ERCC6L2: variants seen among roughly 807,000 people sequenced by gnomAD.
ERCC6L2 encodes DNA excision repair protein ERCC-6-like 2.
A neutral mutation model predicts 132.0 loss-of-function variants in ERCC6L2; 77 were observed. That is an observed-to-expected ratio of 0.58 (90% CI 0.49 to 0.71). ERCC6L2 has a LOEUF of 0.71. Ranked by LOEUF, ERCC6L2 falls within the 30% of genes least tolerant of loss-of-function variation. The pLI is 0.00. For missense variants in ERCC6L2, 1,542 were observed against 1,837.6 expected (o/e 0.84, Z 2.94); for synonymous variants, 583 against 632.4 (o/e 0.92, Z 1.17).
Position 95,875,957 on chromosome 9 carries a change from G to T in ERCC6L2, c.-82G>T. 1 of 1,481,044 alleles carries T rather than the reference G, an allele frequency of 6.8e-7. No homozygotes were observed. The highest frequency in any genetic ancestry group is 9.2e-7 in the Non-Finnish European group (1 of 1,092,074). 91.7% of individuals were successfully genotyped at this position (1,481,044 alleles called of 1,614,324 possible). A position where few individuals can be genotyped will look rare whatever the true frequency, so the allele number is the denominator to read the frequency against. On this transcript the variant is annotated 5_prime_UTR_variant, in exon 1 of 19. Coordinates refer to ENST00000653738, the MANE Select transcript of ERCC6L2 (RefSeq NM_020207.7). Reference sequence around the variant, plus strand: ...CCGGAAGTGGCGTTGGCCGCCATTGGCCTGCCGGCCAGCCACCTTGCTGTC... The same window carrying T: ...CCGGAAGTGGCGTTGGCCGCCATTGTCCTGCCGGCCAGCCACCTTGCTGTC...
chr9:95,905,046 A>G (rs1459829159), intron 3 of ERCC6L2: 1 of 152,136 alleles, frequency 6.6e-6, no homozygotes, highest in Non-Finnish European at 1.5e-5. Flanking sequence ...ATCTCGTCTG[A>G]TCTTGGAAGC....
chr9:95,961,046 G>A (rs993625151), intron 13 of ERCC6L2, among the ~76,000 whole-genome samples: 1 of 152,134 alleles, frequency 6.6e-6, no homozygotes, highest in Non-Finnish European at 1.5e-5. Context: ...AAGAGAAAAT[G>A]ACAGATGAAT....
At chr9:95,981,232 G>A (rs2133120501) in intron 17 of ERCC6L2, among the ~76,000 whole-genome samples, 1 of 152,162 alleles carries the variant, frequency 6.6e-6, no homozygotes, top group East Asian at 1.9e-4. Flanking sequence ...TCCTAGATAA[G>A]ATCCTATGGT....
chr9:95,876,074 C>A lies in ERCC6L2; in HGVS notation c.36C>A (p.Thr12=). 2.5e-6 allele frequency: 4 copies of A among 1,581,318 alleles called. No homozygotes were observed. Among genetic ancestry groups the A allele is most frequent in the Non-Finnish European group, 3.4e-6 (4 of 1,164,280 alleles). The part of the protein sequence containing the change: ...DPSAPQPRAE[T]SGKDIWHPGE... ...CGGCGCCACAGCCCCGCGCGGAAAC[C>A]TCAGGCAAAGGTACCAGCTCCGCGC... Residue 12 remains threonine (T), a synonymous_variant, in exon 1 of 19, where the codon ACC becomes ACA. Coordinates refer to ENST00000653738, the MANE Select transcript of ERCC6L2 (RefSeq NM_020207.7).
chr9:96,029,865 A>G (rs576406299), intron 19 of ERCC6L2, among the ~76,000 whole-genome samples: 46 of 151,818 alleles, frequency 3.0e-4, no homozygotes, highest in African/African-American at 1.1e-3. Flanking sequence ...TCCCAGGGTT[A>G]GCTGAGTCCT....
intron 17 of ERCC6L2, among the ~76,000 whole-genome samples, chr9:95,982,246 A>G (rs777136919): frequency 3.3e-5 from 5 of 152,174 alleles, no homozygotes; most frequent in Non-Finnish European, 5.9e-5. Context: ...TTATATAACC[A>G]GTGCAGGTTT....
intron 1 of ERCC6L2, among the ~76,000 whole-genome samples, chr9:95,879,307 G>C (rs1827464022): frequency 6.6e-6 from 1 of 152,090 alleles, no homozygotes; most frequent in Admixed American, 6.5e-5. Context: ...TTTGACATTA[G>C]TTTTCTTCAT....
At chr9:95,891,239 G>A (rs1276606869) in intron 2 of ERCC6L2, among the ~76,000 whole-genome samples, 1 of 152,046 alleles carries the variant, frequency 6.6e-6, no homozygotes, top group Non-Finnish European at 1.5e-5. Flanking sequence ...CCTGTTTATT[G>A]AATCATTGAT....
chr9:95,947,500 A>T (rs534368445), intron 12 of ERCC6L2, among the ~76,000 whole-genome samples: 248 of 152,328 alleles, frequency 1.6e-3, no homozygotes, highest in African/African-American at 5.7e-3. Context: ...GATGTAGAAA[A>T]GCTGCAGCAA....
intron 13 of ERCC6L2, among the ~76,000 whole-genome samples, chr9:95,956,348 T>C (rs1361143597): frequency 1.3e-5 from 2 of 152,150 alleles, no homozygotes; most frequent in African/African-American, 4.8e-5. Flanking sequence ...CTAGTAAAAC[T>C]AATCAGCCCA....
chr9:95,906,170 G>C (rs1051789980), intron 3 of ERCC6L2, among the ~76,000 whole-genome samples: 5 of 152,172 alleles, frequency 3.3e-5, no homozygotes, highest in African/African-American at 1.2e-4. Context: ...GAGAGAGCAG[G>C]AGGAGAGTTA....
chr9:95,936,423 A>G (rs888882289), intron 11 of ERCC6L2, among the ~76,000 whole-genome samples: 4 of 152,190 alleles, frequency 2.6e-5, no homozygotes, highest in Non-Finnish European at 5.9e-5. Flanking sequence ...TGTATTCACT[A>G]TGACAAGCCT....
chr9:95,906,502 A>C, intron 3 of ERCC6L2: 1 of 358,876 alleles, frequency 2.8e-6, no homozygotes, highest in Non-Finnish European at 5.5e-6. Context: ...GGCAAAATAT[A>C]TGGAAATGAA....
intron 3 of ERCC6L2, among the ~76,000 whole-genome samples, chr9:95,905,820 A>G (rs1351433459): frequency 6.6e-6 from 1 of 152,222 alleles, no homozygotes; most frequent in Non-Finnish European, 1.5e-5. Flanking sequence ...TGTTTCACAG[A>G]AAACAGAGCA....
intron 11 of ERCC6L2, among the ~76,000 whole-genome samples, chr9:95,930,163 T>A (rs539344507): frequency 1.7e-3 from 258 of 152,248 alleles, no homozygotes; most frequent in African/African-American, 5.9e-3. Context: ...TTTTTTTTCT[T>A]TTGAGCTTAT....
At chr9:95,898,897 T>A (rs1828608064) in intron 3 of ERCC6L2, among the ~76,000 whole-genome samples, 1 of 152,152 alleles carries the variant, frequency 6.6e-6, no homozygotes, top group African/African-American at 2.4e-5. Flanking sequence ...CTCTTTATTT[T>A]TCAGTAGAAT....
chr9:96,024,723 G>C (rs567827565), intron 19 of ERCC6L2, among the ~76,000 whole-genome samples: 179 of 152,258 alleles, frequency 1.2e-3, no homozygotes, highest in African/African-American at 4.1e-3. Flanking sequence ...CTGAGTTTCA[G>C]GTGCACACCC....
chr9:95,950,487 C>T (rs1439778046), intron 12 of ERCC6L2, among the ~76,000 whole-genome samples: 3 of 152,036 alleles, frequency 2.0e-5, no homozygotes, highest in African/African-American at 7.2e-5. Flanking sequence ...GAGTTCTTCC[C>T]TGTTCTTAAT....
chr9:95,900,073 A>T (rs1828689810), intron 3 of ERCC6L2, among the ~76,000 whole-genome samples: 1 of 152,100 alleles, frequency 6.6e-6, no homozygotes, highest in Non-Finnish European at 1.5e-5. Context: ...GTATTCTAAT[A>T]AATTACCTTA....
Sources: allele counts gnomAD v4.1 joint callset (sites outside exome capture counted in the v4.1 genomes callset), GRCh38; gene constraint gnomAD v4.1.1; transcripts MANE v1.5; gene names NCBI Gene and HGNC (gene_info 2026-07-23, HGNC 2026-07-21).